The following FXR1 variants were observed in gnomAD, a reference collection of about 807,000 sequenced individuals.
The protein encoded by FXR1 is FMR1 autosomal homolog 1.
Under a neutral mutation model 84.0 loss-of-function variants are expected in FXR1, and 15 were observed. The ratio of observed to expected loss-of-function variants is 0.18; its 90% CI spans 0.12 to 0.27. The LOEUF is 0.27. Among genes scored for constraint, FXR1 ranks in the 10% least tolerant of loss-of-function variants. The pLI is 1.00. For synonymous variants in FXR1, 245 were observed against 250.7 expected (o/e 0.98, Z 0.21); for missense variants, 480 against 774.4 (o/e 0.62, Z 4.51).
At chr3:180,943,493 C>G (rs1321969400) in intron 3 of FXR1, among the ~76,000 whole-genome samples, 1 of 152,102 alleles carries the variant, frequency 6.6e-6, no homozygotes, top group East Asian at 1.9e-4. Context: ...TCTCAAACTC[C>G]TGACCTCAGG....
At position 180,948,917 on chromosome 3, in the gene FXR1, G is replaced by A. The variant is rs555342356; in HGVS notation, c.513+103G>A. On this transcript the variant is annotated intron_variant, in intron 6 of 16. Coordinates refer to ENST00000357559, the MANE Select transcript of FXR1 (RefSeq NM_005087.4). Reference sequence around the variant, plus strand: ...AAAGCTAAGATCAACTTAGTGTATAGTGAATTTATTAATATAGTGTGGGAG... The same window carrying A: ...AAAGCTAAGATCAACTTAGTGTATAATGAATTTATTAATATAGTGTGGGAG... 1.2e-4 allele frequency: 81 copies of A among 696,164 alleles called. No individual in the cohort carries two copies. The African/African-American group carries it at 1.2e-3, about 11-fold the overall frequency. 43.1% of individuals were successfully genotyped at this position (696,164 alleles called of 1,614,324 possible).
At chr3:180,931,735 G>C (rs1362272674) in intron 1 of FXR1, among the ~76,000 whole-genome samples, 1 of 131,896 alleles carries the variant, frequency 7.6e-6, no homozygotes, top group Non-Finnish European at 1.6e-5. Context: ...ATTAGTTGTT[G>C]TGGGTTTTTT....
In FXR1 at chr3:180,927,725, G is replaced by GA. The variant is rs1307544450; in HGVS notation, c.52-5605dup. The GA allele has an allele frequency of 2.5e-5, 11 of 447,554 alleles. No homozygotes were observed. The East Asian group carries it at 3.8e-4, about 16-fold the overall frequency. The allele number at this position is 447,554 out of a possible 1,614,324, so 27.7% of individuals were successfully genotyped here. On this transcript the variant is annotated intron_variant, in intron 1 of 16. Transcript: ENST00000357559. ...GGATCTACAAGACACAAACTGAAGA[G>GA]AAAAGCGAAGTTCAGAACAAATTGT...
At chr3:180,930,770 C>G (rs1223142384) in intron 1 of FXR1, among the ~76,000 whole-genome samples, 3 of 152,024 alleles carry the variant, frequency 2.0e-5, no homozygotes, top group Admixed American at 6.6e-5. Flanking sequence ...TGTGGTGGCT[C>G]ATGCCTATAA....
chr3:180,957,014 ATGG>A (rs1722808067), intron 9 of FXR1, among the ~76,000 whole-genome samples: 1 of 152,180 alleles, frequency 6.6e-6, no homozygotes, highest in Non-Finnish European at 1.5e-5. Context: ...TCGGTTCCAT[ATGG>A]TGAAGGTTAC....
chr3:180,915,769 A>G, intron 1 of FXR1: 1 of 605,148 alleles, frequency 1.7e-6, no homozygotes, highest in East Asian at 2.8e-5. Context: ...GTAGACTTTG[A>G]TTAAAGTTTT....
At chr3:180,974,911 T>A (rs1714036528) in intron 15 of FXR1, among the ~76,000 whole-genome samples, 1 of 152,102 alleles carries the variant, frequency 6.6e-6, no homozygotes, top group Non-Finnish European at 1.5e-5. Flanking sequence ...TATCATACTG[T>A]GATTTGGACC....
At chr3:180,975,460 G>C (rs1414691309) in intron 16 of FXR1, 56 bp downstream of exon 16, 10 of 681,964 alleles carry the variant, frequency 1.5e-5, no homozygotes, top group Non-Finnish European at 2.3e-5. Context: ...GTATGGTTTA[G>C]CTTTATTTTT....
At position 180,931,026 on chromosome 3, in the gene FXR1, C is replaced by CAA. The variant is rs57731098; in HGVS notation, c.52-2288_52-2287dup. ...CCTGGGCAACAGAGCGAGACTGCCT[C>CAA]AAAAAAAAAAAAAAAAAAAAAGACG... On this transcript the variant is annotated intron_variant, in intron 1 of 16. Transcript: ENST00000357559. Among the ~76,000 whole-genome samples the CAA allele has an allele frequency of 4.6e-3, 256 of 55,570 alleles. 14 individuals carry two copies. Among genetic ancestry groups the CAA allele is most frequent in the Non-Finnish European group, 6.5e-3 (187 of 28,736 alleles). 36.5% of individuals were successfully genotyped at this position (55,570 alleles called of 152,430 possible).
chr3:180,915,477 T>A (rs1212359756), intron 1 of FXR1: 29 of 1,450,200 alleles, frequency 2.0e-5, no homozygotes, highest in Non-Finnish European at 2.4e-5. Context: ...TAGAAGCAAT[T>A]TAATTTTAAT....
intron 3 of FXR1, among the ~76,000 whole-genome samples, chr3:180,941,012 C>T (rs187406436): frequency 2.0e-4 from 30 of 152,238 alleles, no homozygotes; most frequent in Non-Finnish European, 3.7e-4. Flanking sequence ...GTTCTTGTGG[C>T]ATATGCCTTT....
intron 8 of FXR1, among the ~76,000 whole-genome samples, chr3:180,951,772 G>A (rs765600696): frequency 5.9e-5 from 9 of 152,142 alleles, no homozygotes; most frequent in Non-Finnish European, 1.2e-4. Flanking sequence ...TTTTTTGAAT[G>A]TTTACTGTGT....
At chr3:180,947,256 A>G (rs1283717231) in intron 3 of FXR1, among the ~76,000 whole-genome samples, 1 of 152,192 alleles carries the variant, frequency 6.6e-6, no homozygotes, top group African/African-American at 2.4e-5. Context: ...CGTGTTGGTC[A>G]GCCTTGTCTC....
intron 13 of FXR1, among the ~76,000 whole-genome samples, chr3:180,963,699 G>A (rs1338754861): frequency 6.6e-6 from 1 of 152,190 alleles, no homozygotes; most frequent in Non-Finnish European, 1.5e-5. Flanking sequence ...TTTCTAAAAT[G>A]TATTTCACTG....
Position 180,949,208 on chromosome 3 carries a change from T to C in FXR1, c.514-19T>C. 1 of 1,209,180 alleles carries C rather than the reference T, an allele frequency of 8.3e-7. No individual in the cohort carries two copies. Among genetic ancestry groups the C allele is most frequent in the Non-Finnish European group, 1.2e-6 (1 of 810,022 alleles). The allele number at this position is 1,209,180 out of a possible 1,614,324, so 74.9% of individuals were successfully genotyped here. The stretch of plus-strand genomic sequence containing the variant: ...GAAGAATGATTAAAGTTTTGAGTAA[T>C]TAGCTTGTTTGTTTATAGTCTGCCA... On this transcript the variant is annotated intron_variant, in intron 6 of 16. Transcript: ENST00000357559.
In FXR1 at chr3:180,949,330, C is replaced by G. The variant is rs1241859343; in HGVS notation, c.617C>G (p.Thr206Ser). The G allele has an allele frequency of 6.7e-7, 1 of 1,492,346 alleles. No homozygotes were observed. The highest frequency in any genetic ancestry group is 9.4e-7 in the Non-Finnish European group (1 of 1,068,624). 92.4% of individuals were successfully genotyped at this position (1,492,346 alleles called of 1,614,324 possible). The change falls in exon 7 of 17, where the codon ACT becomes AGT. Residue 206 changes from threonine (T) to serine (S), a missense_variant. By Grantham distance (58) the Thr-to-Ser change is moderately conservative (BLOSUM62 1). Transcript: ENST00000357559. ...LMLMSRNEEA[T>S]KHLECTKQLA... ...CTTATGTCCAGAAATGAAGAGGCCACTAAGCATTTAGAAGTAAGTGGGTTT... is the reference window on the plus strand; with the variant it reads ...CTTATGTCCAGAAATGAAGAGGCCAGTAAGCATTTAGAAGTAAGTGGGTTT...
chr3:180,927,526 AT>A (rs551097896), intron 1 of FXR1: 24 of 549,756 alleles, frequency 4.4e-5, no homozygotes, highest in Non-Finnish European at 5.1e-5. Context: ...AGCCTATAGG[AT>A]TTTTTTTCCA....
At chr3:180,922,053 T>C (rs192355014) in intron 1 of FXR1, among the ~76,000 whole-genome samples, 130 of 152,312 alleles carry the variant, frequency 8.5e-4, no homozygotes, top group African/African-American at 3.0e-3. Flanking sequence ...GTATGATTTA[T>C]TTTTTAAGGT....
At chr3:180,963,919 C>T (rs1368127429) in intron 13 of FXR1, among the ~76,000 whole-genome samples, 1 of 152,058 alleles carries the variant, frequency 6.6e-6, no homozygotes, top group Non-Finnish European at 1.5e-5. Flanking sequence ...TTCTTCACTC[C>T]TATACTTACT....
Sources: allele counts gnomAD v4.1 joint callset (sites outside exome capture counted in the v4.1 genomes callset), GRCh38; gene constraint gnomAD v4.1.1; transcripts MANE v1.5; gene names NCBI Gene and HGNC (gene_info 2026-07-23, HGNC 2026-07-21).